Variants in MPP7 observed in about 807,000 individuals in gnomAD.
MPP7 encodes the protein MAGUK p55 subfamily member 7.
A neutral mutation model predicts 76.5 loss-of-function variants in MPP7; 60 were observed. That is an observed-to-expected ratio of 0.78 (90% CI 0.64 to 0.97). The LOEUF (loss-of-function observed/expected upper bound fraction) is 0.97, where lower values mean the gene tolerates loss of function less well. Among genes scored for constraint, MPP7 ranks in the 50% least tolerant of loss-of-function variants. The pLI is 0.00. For missense variants in MPP7, 641 were observed against 694.0 expected (o/e 0.92, Z 0.86); for synonymous variants, 237 against 244.5 (o/e 0.97, Z 0.29).
At chr10:28,233,650 G>A (rs899438737) in intron 2 of MPP7, among the ~76,000 whole-genome samples, 14 of 151,540 alleles carry the variant, frequency 9.2e-5, no homozygotes, top group Admixed American at 3.3e-4. Flanking sequence ...CCTGGGAGGC[G>A]GAACTTGCAA....
chr10:28,184,613 C>T (rs1241982338), intron 3 of MPP7, among the ~76,000 whole-genome samples: 2 of 149,408 alleles, frequency 1.3e-5, no homozygotes, highest in Admixed American at 6.7e-5. Context: ...TAGGCTGACA[C>T]GTAAGAATCA....
At chr10:28,124,158 A>T (rs760491179) in intron 7 of MPP7, 42 bp from the exon 8 acceptor site, 1 of 1,294,610 alleles carries the variant, frequency 7.7e-7, no homozygotes. Context: ...TGTTACCCAC[A>T]ACCAAAACTG....
rs74129003 is a variant in MPP7 at position 28,128,159 on chromosome 10, C to T, written c.448-3068G>A. Among the ~76,000 whole-genome samples, 979 of 152,156 alleles carry T rather than the reference C, an allele frequency of 6.4e-3. 8 individuals carry two copies. Among genetic ancestry groups the T allele is most frequent in the African/African-American group, 0.022 (926 of 41,518 alleles). On this transcript the variant is annotated intron_variant, in intron 6 of 16. Transcript: ENST00000683449. ...GTTGTGAACAGCAGGAGGGGCACAA[C>T]CTAGGAGGACCACTCCACCCACTGT... is the stretch of plus-strand genomic sequence containing the variant.
chr10:28,083,778 TCTGC>T (rs1374789655), intron 12 of MPP7, among the ~76,000 whole-genome samples: 3 of 152,104 alleles, frequency 2.0e-5, no homozygotes, highest in African/African-American at 7.2e-5. Context: ...CCTCAAGTGA[TCTGC>T]CTGCCTCGGC....
chr10:28,112,522 A>G (rs1588788233), intron 11 of MPP7, among the ~76,000 whole-genome samples: 1 of 152,348 alleles, frequency 6.6e-6, no homozygotes, highest in East Asian at 1.9e-4. Context: ...ATAAATTTGC[A>G]AAAGAATGTT....
At chr10:28,141,326 T>C (rs1835511288) in intron 5 of MPP7, among the ~76,000 whole-genome samples, 1 of 152,100 alleles carries the variant, frequency 6.6e-6, no homozygotes, top group Non-Finnish European at 1.5e-5. Context: ...AACAAAAGCA[T>C]ATCCTGTTTT....
At chr10:28,090,180 TGAACTG>T (rs1245376405) in intron 11 of MPP7, among the ~76,000 whole-genome samples, 1 of 152,136 alleles carries the variant, frequency 6.6e-6, no homozygotes, top group African/African-American at 2.4e-5. Flanking sequence ...CAGGCTGGTT[TGAACTG>T]CTGGCCTCAA....
At chr10:28,158,462 T>A (rs1286237787) in intron 3 of MPP7, among the ~76,000 whole-genome samples, 3 of 152,104 alleles carry the variant, frequency 2.0e-5, no homozygotes, top group African/African-American at 7.2e-5. Context: ...AAGAGTAGAA[T>A]AATGGAGGTA....
chr10:28,062,247 T>C (rs190582199), intron 13 of MPP7, among the ~76,000 whole-genome samples: 155 of 152,290 alleles, frequency 1.0e-3, no homozygotes, highest in African/African-American at 3.6e-3. Flanking sequence ...GGGTCTTAAA[T>C]GGCTGCCAGG....
intron 11 of MPP7, among the ~76,000 whole-genome samples, chr10:28,111,712 A>G (rs1834512404): frequency 6.6e-6 from 1 of 152,190 alleles, no homozygotes; most frequent in South Asian, 2.1e-4. Context: ...TATTCTGTCT[A>G]TATTATCTGA....
At chr10:28,233,754 A>T (rs1838972985) in intron 2 of MPP7, among the ~76,000 whole-genome samples, 1 of 148,374 alleles carries the variant, frequency 6.7e-6, no homozygotes, top group Non-Finnish European at 1.5e-5. Flanking sequence ...CAACACTCCA[A>T]GGCTGAGTGC....
chr10:28,140,695 G>A (rs1835489158), intron 5 of MPP7, among the ~76,000 whole-genome samples: 1 of 152,106 alleles, frequency 6.6e-6, no homozygotes, highest in Non-Finnish European at 1.5e-5. Flanking sequence ...ATTCCAACAT[G>A]CTTGAAATCT....
intron 11 of MPP7, among the ~76,000 whole-genome samples, chr10:28,094,797 A>T (rs913968117): frequency 2.0e-5 from 3 of 152,232 alleles, no homozygotes; most frequent in Admixed American, 2.0e-4. Flanking sequence ...CATTTTAAAT[A>T]CAACAGAAAT....
chr10:28,325,682 G>A (rs932065240), intron 2 of MPP7, among the ~76,000 whole-genome samples: 2 of 151,714 alleles, frequency 1.3e-5, no homozygotes, highest in Admixed American at 6.6e-5. Context: ...TTAGTAGAGA[G>A]GGGGTTTTCC....
At chr10:28,056,740 T>C in intron 15 of MPP7, 117 bp from the exon 16 acceptor site, 1 of 773,924 alleles carries the variant, frequency 1.3e-6, no homozygotes, top group Admixed American at 3.7e-5. Context: ...GTCATTTCAA[T>C]ATATTATTAT....
chr10:28,300,687 C>T (rs1210592319), intron 1 of MPP7, among the ~76,000 whole-genome samples: 2 of 152,050 alleles, frequency 1.3e-5, no homozygotes, highest in African/African-American at 4.8e-5. Flanking sequence ...TGCAATGGCT[C>T]ACGCCTGTAA....
At chr10:28,247,527 T>A (rs1839475953) in intron 1 of MPP7, among the ~76,000 whole-genome samples, 1 of 152,220 alleles carries the variant, frequency 6.6e-6, no homozygotes, top group African/African-American at 2.4e-5. Flanking sequence ...TCATTATATA[T>A]AACACAAACA....
At chr10:28,174,942 G>A (rs1014375663) in intron 3 of MPP7, among the ~76,000 whole-genome samples, 2 of 152,172 alleles carry the variant, frequency 1.3e-5, no homozygotes, top group African/African-American at 4.8e-5. Context: ...CATATAATTT[G>A]AGCAAGAGAA....
intron 3 of MPP7, among the ~76,000 whole-genome samples, chr10:28,173,468 T>C (rs531906162): frequency 6.6e-6 from 1 of 152,304 alleles, no homozygotes; most frequent in African/African-American, 2.4e-5. Flanking sequence ...ATAAATGTTC[T>C]AAGTGCACAA....
Sources: gnomAD v4.1 joint callset for allele counts (sites outside exome capture counted in the v4.1 genomes callset) on GRCh38, gnomAD v4.1.1 for gene constraint, MANE v1.5 for transcripts, NCBI Gene and HGNC (gene_info 2026-07-23, HGNC 2026-07-21) for gene names.